Variants in ITSN2 observed in about 807,000 individuals in gnomAD.
ITSN2 encodes the protein intersectin-2.
Under a neutral mutation model 243.7 loss-of-function variants are expected in ITSN2, and 156 were observed. The observed-to-expected ratio is 0.64, with a 90% CI of 0.56 to 0.73. The LOEUF (loss-of-function observed/expected upper bound fraction) is 0.73. Ranked by LOEUF, ITSN2 falls within the 30% of genes least tolerant of loss-of-function variation. ITSN2 has a pLI of 0.00. For synonymous variants in ITSN2, 703 were observed against 699.9 expected (o/e 1.00, Z -0.07); for missense variants, 1,801 against 1,996.1 (o/e 0.90, Z 1.86).
At chr2:24,337,345 T>TATATATATATATATAC in intron 1 of ITSN2, among the ~76,000 whole-genome samples, 1 of 121,406 alleles carries the variant, frequency 8.2e-6, no homozygotes, top group East Asian at 2.3e-4. Context: ...TATATATATA[T>TATATATATATATATAC]ATATATATGT....
Position 24,295,814 on chromosome 2 carries a change from G to A in ITSN2, c.1495-10C>T. On this transcript the variant is annotated splice_polypyrimidine_tract_variant and intron_variant, in intron 13 of 39. Coordinates refer to ENST00000355123, the MANE Select transcript of ITSN2 (RefSeq NM_006277.3). ...GCTGATGTTTGCCATTCTATAGGAA[G>A]ATCATATAAATATATAGTAACATAA... 1 of 1,508,136 alleles carries A rather than the reference G, an allele frequency of 6.6e-7. No individual in the cohort carries two copies. Among genetic ancestry groups the A allele is most frequent in the Non-Finnish European group, 8.8e-7 (1 of 1,133,778 alleles). The allele number at this position is 1,508,136 out of a possible 1,614,324, so 93.4% of individuals were successfully genotyped here.
At chr2:24,317,031 T>C (rs1684008455) in intron 2 of ITSN2, among the ~76,000 whole-genome samples, 1 of 152,164 alleles carries the variant, frequency 6.6e-6, no homozygotes. Context: ...CAAATAGAAA[T>C]GGTATATCAA....
intron 29 of ITSN2, among the ~76,000 whole-genome samples, chr2:24,231,066 C>T (rs547265876): frequency 1.3e-4 from 20 of 152,266 alleles, no homozygotes; most frequent in African/African-American, 4.3e-4. Context: ...GATATCCTCA[C>T]ACCCCTCCAG....
At position 24,261,605 on chromosome 2, in the gene ITSN2, T is replaced by TA. The variant is rs1246391091; in HGVS notation, c.2492dup (p.Leu831PhefsTer16). 1.2e-6 allele frequency: 2 copies of TA among 1,613,544 alleles called. No individual in the cohort carries two copies. The highest frequency in any genetic ancestry group is 1.7e-6 in the Non-Finnish European group (2 of 1,179,730). On this transcript the variant is annotated frameshift_variant, in exon 21 of 40. Coordinates refer to ENST00000355123, the MANE Select transcript of ITSN2 (RefSeq NM_006277.3). LOFTEE classifies it high-confidence loss of function. ...CAGATAAAGAAACTGTAGGAGGAAG[T>TA]AAGGCCTTCTTTGGAGATACAGCTT...
chr2:24,310,711 AT>A lies in ITSN2; in HGVS notation c.353-20del, dbSNP rs1038766056. 1.9e-6 allele frequency: 3 copies of A among 1,607,186 alleles called. No homozygotes were observed. Among genetic ancestry groups the A allele is most frequent in the African/African-American group, 2.7e-5 (2 of 74,716 alleles). On this transcript the variant is annotated intron_variant, in intron 5 of 39. Coordinates refer to ENST00000355123, the MANE Select transcript of ITSN2 (RefSeq NM_006277.3). Reference sequence around the variant, plus strand: ...CCCATTCCTAAAGTCAAAAGAAAACATTTTTTCCAGTGCTAGAAAATCAATT... The same window carrying A: ...CCCATTCCTAAAGTCAAAAGAAAACATTTTTCCAGTGCTAGAAAATCAATT...
intron 32 of ITSN2, 70 bp from the exon 33 acceptor site, chr2:24,212,818 C>T (rs1669622392): frequency 2.5e-6 from 3 of 1,197,426 alleles, no homozygotes; most frequent in Non-Finnish European, 3.7e-6. Flanking sequence ...TCTTTGATCG[C>T]CTTTTAGATT....
chr2:24,280,188 A>C (rs780750128), intron 17 of ITSN2, among the ~76,000 whole-genome samples: 1 of 152,228 alleles, frequency 6.6e-6, no homozygotes, highest in Non-Finnish European at 1.5e-5. Flanking sequence ...TTCTAAATTA[A>C]ATAATTGAAA....
At chr2:24,209,696 G>T (rs780809550) in intron 35 of ITSN2, 122 bp downstream of exon 35, 501 of 734,444 alleles carry the variant, frequency 6.8e-4, no homozygotes, top group Non-Finnish European at 9.7e-4. Flanking sequence ...GGAAGCACGA[G>T]CGATCTGGAA....
chr2:24,325,173 GC>G (rs1305426892), intron 2 of ITSN2, among the ~76,000 whole-genome samples: 1 of 152,040 alleles, frequency 6.6e-6, no homozygotes, highest in Non-Finnish European at 1.5e-5. Flanking sequence ...ACTTTGGGAG[GC>G]TAAGGTGGAG....
rs1214104048 is a variant in ITSN2 at position 24,209,169 on chromosome 2, T to C, written c.4526A>G (p.Asp1509Gly). ...GTGGGAAATGTGGAAGACAGGCTCA[T>C]CGCTGGAAGGGTCTGTGGGCAGTTT... The part of the protein sequence containing the change: ...LVKLPTDPSS[D>G]EPVFHISHID... The change falls in exon 36 of 40, where the codon GAT (aspartate) becomes GGT (glycine). Residue 1509 changes from aspartate to glycine, a missense_variant. Transcript: ENST00000355123. 3.1e-6 allele frequency: 5 copies of C among 1,613,954 alleles called. No individual in the cohort carries two copies. The highest frequency in any genetic ancestry group is 4.2e-6 in the Non-Finnish European group (5 of 1,179,982).
chr2:24,316,441 C>G (rs1683942812), intron 2 of ITSN2, among the ~76,000 whole-genome samples: 1 of 152,126 alleles, frequency 6.6e-6, no homozygotes. Context: ...CCACCACACA[C>G]CCGGCTAATT....
At chr2:24,265,513 A>G (rs1192853511) in intron 20 of ITSN2, among the ~76,000 whole-genome samples, 1 of 152,216 alleles carries the variant, frequency 6.6e-6, no homozygotes, top group African/African-American at 2.4e-5. Context: ...GACTTTTTAC[A>G]TAGATTATCA....
At chr2:24,234,259 C>T (rs779865934) in intron 29 of ITSN2, among the ~76,000 whole-genome samples, 1 of 145,688 alleles carries the variant, frequency 6.9e-6, no homozygotes, top group Non-Finnish European at 1.5e-5. Context: ...GATGCTGGAA[C>T]AACTGGCCAT....
intron 5 of ITSN2, among the ~76,000 whole-genome samples, chr2:24,311,948 C>T (rs977636917): frequency 1.8e-4 from 28 of 152,060 alleles, no homozygotes; most frequent in African/African-American, 5.1e-4. Flanking sequence ...TAATTCATCA[C>T]GCAACTAGGA....
chr2:24,246,920 AT>A (rs778712961), intron 27 of ITSN2, 27 bp from the exon 28 acceptor site: 1 of 1,384,574 alleles, frequency 7.2e-7, no homozygotes, highest in Non-Finnish European at 1.0e-6. Flanking sequence ...GAAATACATA[AT>A]TGAAAGATGA....
At chr2:24,349,994 T>C (rs1193645010) in intron 1 of ITSN2, among the ~76,000 whole-genome samples, 1 of 152,212 alleles carries the variant, frequency 6.6e-6, no homozygotes, top group Non-Finnish European at 1.5e-5. Context: ...AAGCATGGTA[T>C]AGCTGACAGA....
chr2:24,251,318 A>AAT (rs765164012), intron 25 of ITSN2, among the ~76,000 whole-genome samples: 14 of 5,984 alleles, frequency 2.3e-3, no homozygotes, highest in East Asian at 0.014. Context: ...TCAAAAAAAA[A>AAT]AAAAAATAAA....
intron 20 of ITSN2, among the ~76,000 whole-genome samples, chr2:24,267,951 G>C (rs1676878038): frequency 6.6e-6 from 1 of 152,078 alleles, no homozygotes; most frequent in Non-Finnish European, 1.5e-5. Context: ...CTGTAGTTAG[G>C]CCAAGTTGTT....
At position 24,249,670 on chromosome 2, in the gene ITSN2, G is replaced by T. The variant is rs939364939; in HGVS notation, c.3121-788C>A. 6.6e-6 allele frequency among the ~76,000 whole-genome samples: 1 copy of T among 152,144 alleles called. No homozygotes were observed. The highest frequency in any genetic ancestry group is 2.4e-5 in the African/African-American group (1 of 41,428). Reference sequence around the variant, plus strand: ...CACAATAACACTATTAAGTAATTATGATTATCCCCATTTTACAGAGAAGGA... The same window carrying T: ...CACAATAACACTATTAAGTAATTATTATTATCCCCATTTTACAGAGAAGGA... On this transcript the variant is annotated intron_variant, in intron 25 of 39. Coordinates refer to ENST00000355123, the MANE Select transcript of ITSN2 (RefSeq NM_006277.3). The surrounding 1 kb of genome is among the most constrained non-coding windows in gnomAD (Gnocchi z 4.4).
Sources: allele counts gnomAD v4.1 joint callset (sites outside exome capture counted in the v4.1 genomes callset), GRCh38; gene constraint gnomAD v4.1.1; non-coding constraint Gnocchi (gnomAD v3.1); transcripts MANE v1.5; gene names NCBI Gene and HGNC (gene_info 2026-07-23, HGNC 2026-07-21).